The following PRPF8 variants were observed in gnomAD, a reference collection of about 807,000 sequenced individuals.
PRPF8 encodes the protein pre-mRNA processing factor 8.
A neutral mutation model predicts 285.9 loss-of-function variants in PRPF8; 64 were observed. The observed-to-expected ratio is 0.22, with a 90% CI of 0.18 to 0.28. PRPF8 has a LOEUF of 0.28. Among genes scored for constraint, PRPF8 ranks in the 10% least tolerant of loss-of-function variants. The pLI, the probability that PRPF8 is intolerant of heterozygous loss-of-function variation, is 1.00. For synonymous variants in PRPF8, 1,325 were observed against 1,118.2 expected (o/e 1.18, Z -3.69); for missense variants, 1,426 against 3,026.7 (o/e 0.47, Z 12.41).
chr17:1,674,498 A>G lies in PRPF8; in HGVS notation c.3243T>C (p.Ala1081=), dbSNP rs748337171. 8 of 1,614,074 alleles carry G rather than the reference A, an allele frequency of 5.0e-6. No homozygotes were observed. The African/African-American group carries it at 5.3e-5, about 11-fold the overall frequency. ...TGCAGAAGAGACGGATGGGGTGGGCAGCCTCAGTGGCTATGTCCTGGAAAC... is the reference window on the plus strand; with the variant it reads ...TGCAGAAGAGACGGATGGGGTGGGCGGCCTCAGTGGCTATGTCCTGGAAAC... ...FLSFQDIATE[A]AHPIRLFCRY... is the part of the protein sequence containing the mutation. The change falls in exon 21 of 43, where the codon GCT becomes GCC. Residue 1081 remains alanine, a synonymous_variant. Transcript: ENST00000304992.
At chr17:1,677,205 G>A in intron 14 of PRPF8, 33 bp from the exon 15 acceptor site, 2 of 1,601,510 alleles carry the variant, frequency 1.2e-6, no homozygotes, top group Non-Finnish European at 1.7e-6. Context: ...GGATTACAAG[G>A]AAGATTCCTT....
intron 24 of PRPF8, among the ~76,000 whole-genome samples, chr17:1,663,142 C>T (rs1911767088): frequency 6.6e-6 from 1 of 151,902 alleles, no homozygotes; most frequent in Non-Finnish European, 1.5e-5. Context: ...GACTAATGGT[C>T]AAAGTAGATC....
chr17:1,656,873 T>A (rs1490893275), intron 34 of PRPF8, 112 bp from the exon 35 acceptor site: 2 of 981,402 alleles, frequency 2.0e-6, no homozygotes, highest in African/African-American at 1.6e-5. Flanking sequence ...TGAACACTGA[T>A]GTTAAATGTT....
Position 1,675,897 on chromosome 17 carries a change from C to T in PRPF8, c.2679+31G>A. On this transcript the variant is annotated intron_variant, in intron 18 of 42. Transcript: ENST00000304992. This position sits in a 1 kb window ranked among gnomAD's most constrained non-coding sequence, Gnocchi z 6.0. ...AAGGCAACTGCTACCTTTGGTAGAA[C>T]CAAAAAGAAAACTTGGGAGGCCTCA... 1 of 1,614,042 alleles carries T rather than the reference C, an allele frequency of 6.2e-7. No individual in the cohort carries two copies. Among genetic ancestry groups the T allele is most frequent in the Non-Finnish European group, 8.5e-7 (1 of 1,180,004 alleles).
At chr17:1,664,238 G>A (rs1911833551) in intron 24 of PRPF8, among the ~76,000 whole-genome samples, 1 of 152,052 alleles carries the variant, frequency 6.6e-6, no homozygotes, top group South Asian at 2.1e-4. Context: ...TCGCTATGTT[G>A]CCCAGGCTGG....
At chr17:1,680,522 CA>C in intron 8 of PRPF8, 1 of 642,166 alleles carries the variant, frequency 1.6e-6, no homozygotes, top group Non-Finnish European at 2.8e-6. Flanking sequence ...CCGTAAAGTC[CA>C]AAAGGATAAT....
In PRPF8 at chr17:1,653,478, T is replaced by C; in HGVS notation, c.6369+64A>G. ...ATCTCAAGTTCCAGACAATCTCAGG[T>C]CTGAGTTTTAGGCACAAAATGAGTT... On this transcript the variant is annotated intron_variant, in intron 39 of 42. Coordinates refer to ENST00000304992, the MANE Select transcript of PRPF8 (RefSeq NM_006445.4). The surrounding 1 kb of genome is among the most constrained non-coding windows in gnomAD (Gnocchi z 4.9). The C allele has an allele frequency of 6.3e-7, 1 of 1,598,018 alleles. No individual in the cohort carries two copies. Among genetic ancestry groups the C allele is most frequent in the South Asian group, 1.1e-5 (1 of 90,682 alleles).
In PRPF8 at chr17:1,661,750, A is replaced by G; in HGVS notation, c.4063T>C (p.Ser1355Pro). Residue 1355 changes from serine to proline, a missense_variant, in exon 26 of 43, where the codon TCA (serine) becomes CCA (proline). Ser to Pro is a moderately conservative substitution (Grantham distance 74, BLOSUM62 -1). Coordinates refer to ENST00000304992, the MANE Select transcript of PRPF8 (RefSeq NM_006445.4). This position sits in a 1 kb window ranked among gnomAD's most constrained non-coding sequence, Gnocchi z 7.3. ...TGGTCTTCTTCATGGCTCATTCCTG[A>G]ACGAAAGTGTGTGATACCTACATCT... ...QTDVGITHFRSGMSHEEDQLI... is the reference protein window; with the variant it reads ...QTDVGITHFRPGMSHEEDQLI... 6.2e-7 allele frequency: 1 copy of G among 1,614,254 alleles called. No individual in the cohort carries two copies. The highest frequency in any genetic ancestry group is 8.5e-7 in the Non-Finnish European group (1 of 1,180,050).
rs377392611 is a variant in PRPF8, at chr17:1,673,735, C to T, written c.3446+11G>A. 7 of 1,613,810 alleles carry T rather than the reference C, an allele frequency of 4.3e-6. No homozygotes were observed. In the African/African-American group the frequency reaches 8.0e-5, roughly 18 times the overall value. On this transcript the variant is annotated intron_variant, in intron 22 of 42. Coordinates refer to ENST00000304992, the MANE Select transcript of PRPF8 (RefSeq NM_006445.4). The surrounding 1 kb of genome is among the most constrained non-coding windows in gnomAD (Gnocchi z 5.5). ...GTCCTTCCAGCTCACACAGCCCCAACCTAGACTCACAAGTTAACATCATGT... is the reference window on the plus strand; with the variant it reads ...GTCCTTCCAGCTCACACAGCCCCAATCTAGACTCACAAGTTAACATCATGT...
In PRPF8 at chr17:1,675,273, C is replaced by G; in HGVS notation, c.2939G>C (p.Arg980Pro). ...GATCTTCTCATACATCTTCTCAAAGCGGGATTCCAGCATGACATTGCACTC... is the reference window on the plus strand; with the variant it reads ...GATCTTCTCATACATCTTCTCAAAGGGGGATTCCAGCATGACATTGCACTC... ...EGECNVMLES[R>P]FEKMYEKIDL... The change falls in exon 20 of 43, where the codon CGC (arginine) becomes CCC (proline). Residue 980 changes from arginine to proline, a missense_variant. Arg to Pro is a moderately radical substitution (Grantham distance 103). Around this residue, in one of 34 missense-constraint regions of PRPF8, gnomAD observed 37 missense variants for 43.4 expected, o/e 0.85. Coordinates refer to ENST00000304992, the MANE Select transcript of PRPF8 (RefSeq NM_006445.4). The surrounding 1 kb of genome is among the most constrained non-coding windows in gnomAD (Gnocchi z 6.0). The G allele has an allele frequency of 6.2e-7, 1 of 1,614,200 alleles. No individual in the cohort carries two copies. The highest frequency in any genetic ancestry group is 1.1e-5 in the South Asian group (1 of 91,080).
At chr17:1,655,211 G>A (rs1597227399) in intron 37 of PRPF8, 139 bp downstream of exon 37, 1 of 892,138 alleles carries the variant, frequency 1.1e-6, no homozygotes. Flanking sequence ...ACCCACCTTG[G>A]CCTCCCAAAG....
chr17:1,680,902 C>T, intron 7 of PRPF8, 27 bp downstream of exon 7: 1 of 1,614,160 alleles, frequency 6.2e-7, no homozygotes, highest in Non-Finnish European at 8.5e-7. Flanking sequence ...CTTCTCCTTT[C>T]CAAATGTTGT....
Position 1,681,826 on chromosome 17 carries a change from C to T in PRPF8, c.647G>A (p.Ser216Asn). 2 of 1,614,010 alleles carry T rather than the reference C, an allele frequency of 1.2e-6. No homozygotes were observed. The highest frequency in any genetic ancestry group is 1.7e-6 in the Non-Finnish European group (2 of 1,179,982). The change falls in exon 5 of 43, where the codon AGC (serine) becomes AAC (asparagine). Residue 216 changes from serine to asparagine, a missense_variant. Coordinates refer to ENST00000304992, the MANE Select transcript of PRPF8 (RefSeq NM_006445.4). ...WFYDHQPLRD[S>N]RKYVNGSTYQ... The stretch of plus-strand genomic sequence containing the variant: ...ATCTCCATCTATCACTCACTTCCTG[C>T]TGTCCCTCAACGGCTGGTGGTCATA...
chr17:1,676,130 C>T lies in PRPF8; in HGVS notation c.2553-76G>A. 1.2e-6 allele frequency: 2 copies of T among 1,612,108 alleles called. No homozygotes were observed. Among genetic ancestry groups the T allele is most frequent in the Admixed American group, 3.3e-5 (2 of 60,012 alleles). On this transcript the variant is annotated intron_variant, in intron 17 of 42. Coordinates refer to ENST00000304992, the MANE Select transcript of PRPF8 (RefSeq NM_006445.4). The surrounding 1 kb of genome is among the most constrained non-coding windows in gnomAD (Gnocchi z 6.3). ...CCAGGAAAGACTGGGGCTACACCTT[C>T]TTTCTTTGGACTCTGAGGATGACGC...
At position 1,677,005 on chromosome 17, in the gene PRPF8, G is replaced by A; in HGVS notation, c.2152C>T (p.Arg718Cys). Residue 718 changes from arginine (R) to cysteine (C), a missense_variant, in exon 15 of 43, where the codon CGC becomes TGC. Arg to Cys is a radical substitution (Grantham distance 180). Coordinates refer to ENST00000304992, the MANE Select transcript of PRPF8 (RefSeq NM_006445.4). Reference sequence around the variant, plus strand: ...CAGGGAATGTTGGCTTTCCAGCAGCGCCAGGCTTCACTGAGGTGCTGCAGG... The same window carrying A: ...CAGGGAATGTTGGCTTTCCAGCAGCACCAGGCTTCACTGAGGTGCTGCAGG... ...TILQHLSEAWRCWKANIPWKV... is the reference protein window; with the variant it reads ...TILQHLSEAWCCWKANIPWKV... 3.7e-6 allele frequency: 6 copies of A among 1,613,956 alleles called. No homozygotes were observed. Among genetic ancestry groups the A allele is most frequent in the African/African-American group, 1.3e-5 (1 of 74,986 alleles).
In PRPF8 at chr17:1,676,955, A is replaced by C. The variant is rs779000056; in HGVS notation, c.2181+21T>G. 6.2e-7 allele frequency: 1 copy of C among 1,612,786 alleles called. No individual in the cohort carries two copies. Among genetic ancestry groups the C allele is most frequent in the Non-Finnish European group, 8.5e-7 (1 of 1,179,980 alleles). On this transcript the variant is annotated intron_variant, in intron 15 of 42. Transcript: ENST00000304992. The surrounding 1 kb of genome is among the most constrained non-coding windows in gnomAD (Gnocchi z 6.3). ...CTAAAGACGGATGTTTACGCCTCCA[A>C]GGAAATAAAGAGACACCCACCTTCC...
In PRPF8 at chr17:1,653,209, G is replaced by A; in HGVS notation, c.6369+333C>T. On this transcript the variant is annotated intron_variant, in intron 39 of 42. Coordinates refer to ENST00000304992, the MANE Select transcript of PRPF8 (RefSeq NM_006445.4). This position sits in a 1 kb window ranked among gnomAD's most constrained non-coding sequence, Gnocchi z 4.9. ...CCCACCTAGGCCTCCCAAAGTGCTG[G>A]GATTATAGGCATTAGCCACTGTGCC... The A allele has an allele frequency of 4.4e-6, 2 of 450,036 alleles. No homozygotes were observed. The allele number at this position is 450,036 out of a possible 1,614,324, so 27.9% of individuals were successfully genotyped here. A position where few individuals can be genotyped will look rare whatever the true frequency, so the allele number is the denominator to read the frequency against.
rs182896230 is a variant in PRPF8 at position 1,660,376 on chromosome 17, T to C, written c.4785+56A>G. The C allele has an allele frequency of 2.6e-5, 42 of 1,607,408 alleles. No individual in the cohort carries two copies. The East Asian group carries it at 2.7e-4, about 10-fold the overall frequency. ...TGACTCTGTACAGTACCCTCTCCCC[T>C]CAATTCCACCTGAGCTGACTCTCTA... On this transcript the variant is annotated intron_variant, in intron 30 of 42. Coordinates refer to ENST00000304992, the MANE Select transcript of PRPF8 (RefSeq NM_006445.4).
At position 1,662,609 on chromosome 17, in the gene PRPF8, T is replaced by A. The variant is rs577721781; in HGVS notation, c.3775-456A>T. ...ATCTCAGGGGAAAAAAAAAAAAAAA[T>A]GGTTCCCCTGGGCCAGGTGTGGTGG... On this transcript the variant is annotated intron_variant, in intron 24 of 42. Transcript: ENST00000304992. 4.9e-4 allele frequency among the ~76,000 whole-genome samples: 53 copies of A among 107,552 alleles called. No individual in the cohort carries two copies. The South Asian group carries it at 6.7e-3, about 14-fold the overall frequency. The allele number at this position is 107,552 out of a possible 152,430, so 70.6% of individuals were successfully genotyped here. A position where few individuals can be genotyped will look rare whatever the true frequency, so the allele number is the denominator to read the frequency against.
Sources: allele counts gnomAD v4.1 joint callset (sites outside exome capture counted in the v4.1 genomes callset), GRCh38; gene constraint gnomAD v4.1.1; regional missense constraint gnomAD v4.1.1; non-coding constraint Gnocchi (gnomAD v3.1); transcripts MANE v1.5; gene names NCBI Gene and HGNC (gene_info 2026-07-23, HGNC 2026-07-21).